The following GALNT13 variants were observed in gnomAD, a reference collection of about 807,000 sequenced individuals.
The protein encoded by GALNT13 is UDP-GalNAc:polypeptide N-acetylgalactosaminyltransferase 13.
In GALNT13, 28 loss-of-function variants were observed where a neutral mutation model predicts 64.2. The observed-to-expected ratio is 0.44, with a 90% confidence interval of 0.32 to 0.60. The LOEUF is 0.60. GALNT13 is among the 20% of genes least tolerant of loss of function. The pLI is 0.05. For missense variants in GALNT13, 577 were observed against 669.8 expected, an observed-to-expected ratio of 0.86 and a Z score of 1.53; for synonymous variants, 214 against 224.6, an observed-to-expected ratio of 0.95 and a Z score of 0.42.
the GALNT13 span, among the ~76,000 whole-genome samples, chr2:153,639,055 TTTTGTTTTGTTTTGTTTTG>T: frequency 9.7e-5 from 7 of 72,522 alleles, no homozygotes; most frequent in African/African-American, 4.8e-4. Context: ...TTTTGTTTTG[TTTTGTTTTGTTTTGTTTTG>T]TTTTGTTTTG....
At chr2:153,759,775 T>G in the GALNT13 span, among the ~76,000 whole-genome samples, 2 of 152,088 alleles carry the variant, frequency 1.3e-5, no homozygotes, top group Admixed American at 6.5e-5. Context: ...CTGCAATTGT[T>G]TTTCTTATAA....
the GALNT13 span, among the ~76,000 whole-genome samples, chr2:153,712,377 A>G: frequency 1.3e-5 from 2 of 152,106 alleles, no homozygotes; most frequent in Non-Finnish European, 2.9e-5. Flanking sequence ...TCCTTTCTCA[A>G]CCCTTAGCCA....
chr2:154,256,677 C>G (rs1690393881), intron 7 of GALNT13, among the ~76,000 whole-genome samples: 1 of 152,116 alleles, frequency 6.6e-6, no homozygotes. Flanking sequence ...CCCTTATTAA[C>G]TGTTGGTTAT....
At chr2:154,088,219 A>G (rs1353081372) in intron 3 of GALNT13, among the ~76,000 whole-genome samples, 3 of 152,130 alleles carry the variant, frequency 2.0e-5, no homozygotes, top group African/African-American at 7.2e-5. Context: ...CTTCTGTTAC[A>G]TTCCAATATT....
the GALNT13 span, among the ~76,000 whole-genome samples, chr2:153,357,649 G>A: frequency 2.2e-4 from 34 of 152,118 alleles, no homozygotes; most frequent in African/African-American, 7.7e-4. Flanking sequence ...TTGAAATAAG[G>A]GTATGGAAGT....
chr2:153,867,611 T>C (rs1020862821), upstream of GALNT13, among the ~76,000 whole-genome samples: 1 of 152,006 alleles, frequency 6.6e-6, no homozygotes. Context: ...TGTACTTTAT[T>C]TCTATTATTA....
At chr2:154,150,778 C>T (rs772912699) in intron 4 of GALNT13, among the ~76,000 whole-genome samples, 28 of 152,160 alleles carry the variant, frequency 1.8e-4, no homozygotes, top group Admixed American at 1.3e-3. Context: ...TGGTGATATC[C>T]GCTTTATCAT....
the GALNT13 span, among the ~76,000 whole-genome samples, chr2:153,279,248 G>C: frequency 6.6e-6 from 1 of 152,230 alleles, no homozygotes; most frequent in Middle Eastern, 3.4e-3. Flanking sequence ...TCAGTTCCAG[G>C]AGCCTTTTAG....
the GALNT13 span, among the ~76,000 whole-genome samples, chr2:153,122,924 A>G: frequency 5.5e-4 from 83 of 152,222 alleles, no homozygotes; most frequent in East Asian, 0.016. Flanking sequence ...GTTATACTAG[A>G]TTAGAGTGGG....
At chr2:153,431,284 A>C in the GALNT13 span, among the ~76,000 whole-genome samples, 2 of 152,008 alleles carry the variant, frequency 1.3e-5, no homozygotes, top group East Asian at 3.9e-4. Context: ...TTAGGCCTTG[A>C]GCATCTTTCC....
At chr2:154,424,787 A>T (rs181379562) in intron 11 of GALNT13, among the ~76,000 whole-genome samples, 134 of 152,270 alleles carry the variant, frequency 8.8e-4, no homozygotes, top group African/African-American at 3.1e-3. Flanking sequence ...CCCTACCACC[A>T]TACTTGTCTT....
At chr2:153,165,057 C>A in the GALNT13 span, among the ~76,000 whole-genome samples, 1 of 152,176 alleles carries the variant, frequency 6.6e-6, no homozygotes, top group African/African-American at 2.4e-5. Flanking sequence ...TATCTTCTGA[C>A]CTGCATATAA....
chr2:153,143,006 G>A, the GALNT13 span, among the ~76,000 whole-genome samples: 1 of 151,890 alleles, frequency 6.6e-6, no homozygotes, highest in African/African-American at 2.4e-5. Context: ...GAGATAATGG[G>A]CAATGAAGAG....
chr2:153,750,612 C>G, the GALNT13 span, among the ~76,000 whole-genome samples: 1 of 151,684 alleles, frequency 6.6e-6, no homozygotes, highest in Admixed American at 6.6e-5. Context: ...TGTGGACTTA[C>G]GTTGCTCATA....
At chr2:153,205,754 C>T in the GALNT13 span, among the ~76,000 whole-genome samples, 6 of 151,808 alleles carry the variant, frequency 4.0e-5, no homozygotes, top group African/African-American at 1.2e-4. Flanking sequence ...TTCAATTTGC[C>T]CTGAATGTTG....
chr2:153,225,321 A>G, the GALNT13 span, among the ~76,000 whole-genome samples: 1 of 152,226 alleles, frequency 6.6e-6, no homozygotes, highest in Non-Finnish European at 1.5e-5. Flanking sequence ...TTGTCAAACT[A>G]GGAATAAAGC....
chr2:154,428,136 A>G (rs942958763), intron 11 of GALNT13, among the ~76,000 whole-genome samples: 1 of 152,126 alleles, frequency 6.6e-6, no homozygotes, highest in Non-Finnish European at 1.5e-5. Context: ...CCAAATACCT[A>G]AAGAGATCTC....
At chr2:154,175,297 G>T (rs1204667416) in intron 4 of GALNT13, among the ~76,000 whole-genome samples, 1 of 152,112 alleles carries the variant, frequency 6.6e-6, no homozygotes, top group Non-Finnish European at 1.5e-5. Context: ...CTTTTCAGAT[G>T]TTCTCCTGAT....
At chr2:153,642,498 G>A in the GALNT13 span, among the ~76,000 whole-genome samples, 1 of 151,754 alleles carries the variant, frequency 6.6e-6, no homozygotes, top group African/African-American at 2.4e-5. Context: ...ACTCCATATT[G>A]AAGAAAGGTA....
Sources: allele counts gnomAD v4.1 joint callset (sites outside exome capture counted in the v4.1 genomes callset), GRCh38; gene constraint gnomAD v4.1.1; transcripts MANE v1.5; gene names NCBI Gene and HGNC (gene_info 2026-07-23, HGNC 2026-07-21).